Variants in ARHGEF10L observed in about 807,000 individuals in gnomAD.
The protein encoded by ARHGEF10L is rho guanine nucleotide exchange factor 10-like protein.
In ARHGEF10L, 69 loss-of-function variants were observed where a neutral mutation model predicts 141.2. That is an observed-to-expected ratio of 0.49 (90% CI 0.40 to 0.60). ARHGEF10L has a LOEUF of 0.60. Among genes scored for constraint, ARHGEF10L ranks in the 20% least tolerant of loss-of-function variants. The pLI, the probability that ARHGEF10L is intolerant of heterozygous loss-of-function variation, is 0.00. For missense variants in ARHGEF10L, 1,482 were observed against 1,734.3 expected, an observed-to-expected ratio of 0.85 and a Z score of 2.58; for synonymous variants, 711 against 718.5, an observed-to-expected ratio of 0.99 and a Z score of 0.17.
At chr1:17,631,507 G>A (rs2060689611) in intron 15 of ARHGEF10L, among the ~76,000 whole-genome samples, 1 of 152,206 alleles carries the variant, frequency 6.6e-6, no homozygotes, top group Non-Finnish European at 1.5e-5. Context: ...CTTTCAACAG[G>A]TTGGGGTGCA....
intron 26 of ARHGEF10L, among the ~76,000 whole-genome samples, chr1:17,680,597 A>G (rs567987418): frequency 7.0e-4 from 106 of 152,148 alleles, no homozygotes; most frequent in African/African-American, 2.4e-3. Context: ...CAGTGCGCCA[A>G]TGCTCTCCCT....
At chr1:17,686,442 G>A (rs1052734763) in intron 26 of ARHGEF10L, among the ~76,000 whole-genome samples, 1 of 152,240 alleles carries the variant, frequency 6.6e-6, no homozygotes, top group African/African-American at 2.4e-5. Flanking sequence ...AAGTGGCCAA[G>A]TAGAACCACA....
intron 26 of ARHGEF10L, among the ~76,000 whole-genome samples, chr1:17,682,467 C>G (rs2064200489): frequency 6.6e-6 from 1 of 152,202 alleles, no homozygotes; most frequent in Non-Finnish European, 1.5e-5. Context: ...TGTCCTTCAG[C>G]AGGGACCAGG....
chr1:17,652,096 C>A (rs1054199644), intron 22 of ARHGEF10L, among the ~76,000 whole-genome samples: 1 of 152,322 alleles, frequency 6.6e-6, no homozygotes, highest in Admixed American at 6.5e-5. Flanking sequence ...GGCCTCATGG[C>A]GAGCAGTGGC....
At chr1:17,633,673 T>C (rs2060834974) in intron 16 of ARHGEF10L, among the ~76,000 whole-genome samples, 2 of 152,142 alleles carry the variant, frequency 1.3e-5, no homozygotes, top group African/African-American at 2.4e-5. Flanking sequence ...TTAAAAAGCA[T>C]CACAGAAGCA....
At chr1:17,620,763 C>T (rs1283060601) in intron 10 of ARHGEF10L, among the ~76,000 whole-genome samples, 3 of 152,274 alleles carry the variant, frequency 2.0e-5, no homozygotes, top group Middle Eastern at 3.4e-3. Flanking sequence ...AACCCGAGAT[C>T]GAGAGGGATG....
intron 26 of ARHGEF10L, among the ~76,000 whole-genome samples, chr1:17,671,477 G>A (rs1001627796): frequency 1.2e-4 from 18 of 152,170 alleles, no homozygotes; most frequent in South Asian, 2.1e-4. Context: ...ACCTGCACCC[G>A]CACCAGCCTT....
At chr1:17,657,248 G>A (rs1335228516) in intron 25 of ARHGEF10L, among the ~76,000 whole-genome samples, 4 of 152,354 alleles carry the variant, frequency 2.6e-5, no homozygotes, top group South Asian at 2.1e-4. Context: ...AGGGCTAACC[G>A]TGTTTGGACT....
chr1:17,639,401 T>G lies in ARHGEF10L; in HGVS notation c.2171+712T>G, dbSNP rs1384190483. On this transcript the variant is annotated intron_variant, in intron 20 of 28. Transcript: ENST00000361221. This position sits in a 1 kb window ranked among gnomAD's most constrained non-coding sequence, Gnocchi z 4.3. ...GGGTGGGGTGAAGGTGGGGATAGAG[T>G]GTCACAAGCACAGTGGCTGCAAGGA... Among the ~76,000 whole-genome samples the G allele has an allele frequency of 1.3e-5, 2 of 151,924 alleles. No individual in the cohort carries two copies. The highest frequency in any genetic ancestry group is 2.9e-5 in the Non-Finnish European group (2 of 67,980).
At chr1:17,602,335 G>A (rs983902637) in intron 5 of ARHGEF10L, 117 bp downstream of exon 5, 36 of 1,221,632 alleles carry the variant, frequency 2.9e-5, no homozygotes, top group African/African-American at 4.6e-5. Context: ...CATCCTCACC[G>A]GGGGCTTCTG....
At position 17,619,764 on chromosome 1, in the gene ARHGEF10L, A is replaced by G. The variant is rs568297069; in HGVS notation, c.942+319A>G. Among the ~76,000 whole-genome samples the G allele has an allele frequency of 1.7e-4, 26 of 152,244 alleles. No homozygotes were observed. The East Asian group carries it at 4.6e-3, about 27-fold the overall frequency. ...TTTCTGACTAAGGTGTCATTTGAAG[A>G]ATGAGATGGGATCCAGACTCAGGTG... is the stretch of plus-strand genomic sequence containing the variant. On this transcript the variant is annotated intron_variant, in intron 10 of 28. Transcript: ENST00000361221. The surrounding 1 kb of genome is among the most constrained non-coding windows in gnomAD (Gnocchi z 5.0).
rs889774157 is a variant in ARHGEF10L at position 17,623,617 on chromosome 1, G to T, written c.1200+442G>T. Among the ~76,000 whole-genome samples the T allele has an allele frequency of 2.6e-5, 4 of 152,172 alleles. No individual in the cohort carries two copies. Among genetic ancestry groups the T allele is most frequent in the Non-Finnish European group, 5.9e-5 (4 of 68,034 alleles). ...CTCACGATCCGGGGGACCTGGTTCT[G>T]GTCCCAGCTCAGTTCTGCAACCTAG... On this transcript the variant is annotated intron_variant, in intron 12 of 28. Coordinates refer to ENST00000361221, the MANE Select transcript of ARHGEF10L (RefSeq NM_018125.4). The surrounding 1 kb of genome is among the most constrained non-coding windows in gnomAD (Gnocchi z 4.7).
Position 17,687,613 on chromosome 1 carries a change from C to T in ARHGEF10L, c.3050C>T (p.Thr1017Ile). 2 of 1,613,150 alleles carry T rather than the reference C, an allele frequency of 1.2e-6. No individual in the cohort carries two copies. The change falls in exon 27 of 29, where the codon ACA (threonine) becomes ATA (isoleucine). Residue 1017 changes from threonine (T) to isoleucine (I), a missense_variant. Thr to Ile is a moderately conservative substitution (Grantham distance 89). Transcript: ENST00000361221. ...CACCAGGACGAGGCAGTGAGCGTGA[C>T]ACACATGGTGAAGGCGGGCAGCGGC... The part of the protein sequence containing the change: ...EAHQDEAVSV[T>I]HMVKAGSGVW...
chr1:17,631,914 T>A (rs2060716508), intron 15 of ARHGEF10L, among the ~76,000 whole-genome samples: 1 of 152,164 alleles, frequency 6.6e-6, no homozygotes, highest in Admixed American at 6.5e-5. Context: ...CTTGGACATG[T>A]GAAGTGACCT....
At chr1:17,694,723 C>T (rs1330964401) in intron 27 of ARHGEF10L, 9 of 353,650 alleles carry the variant, frequency 2.5e-5, no homozygotes, top group Non-Finnish European at 4.5e-5. Flanking sequence ...TTATGCCTTC[C>T]ATCTGCACCA....
At chr1:17,674,927 G>A (rs2063550369) in intron 26 of ARHGEF10L, among the ~76,000 whole-genome samples, 1 of 152,156 alleles carries the variant, frequency 6.6e-6, no homozygotes, top group South Asian at 2.1e-4. Flanking sequence ...ATCTGTGTAA[G>A]GTCACTCTAT....
At chr1:17,676,897 C>T (rs1026964038) in intron 26 of ARHGEF10L, among the ~76,000 whole-genome samples, 2 of 151,880 alleles carry the variant, frequency 1.3e-5, no homozygotes, top group African/African-American at 2.4e-5. Context: ...TGACTTCCTG[C>T]CCCTTTCTCC....
At chr1:17,634,097 C>T (rs558193904) in intron 16 of ARHGEF10L, among the ~76,000 whole-genome samples, 2 of 152,256 alleles carry the variant, frequency 1.3e-5, no homozygotes, top group African/African-American at 4.8e-5. Flanking sequence ...TATGGCTGAC[C>T]CATTCATTCA....
chr1:17,647,596 C>A (rs1326571155), intron 21 of ARHGEF10L, among the ~76,000 whole-genome samples: 1 of 152,148 alleles, frequency 6.6e-6, no homozygotes, highest in Non-Finnish European at 1.5e-5. Flanking sequence ...TTGCAGTGTG[C>A]TGGGTGTCAG....
Sources: gnomAD v4.1 joint callset for allele counts (sites outside exome capture counted in the v4.1 genomes callset) on GRCh38, gnomAD v4.1.1 for gene constraint, Gnocchi (gnomAD v3.1) non-coding constraint, MANE v1.5 for transcripts, NCBI Gene and HGNC (gene_info 2026-07-23, HGNC 2026-07-21) for gene names.